The following SLC25A44 variants were observed in gnomAD, a reference collection of about 807,000 sequenced individuals.
The protein encoded by SLC25A44 is solute carrier family 25, member 44.
Under a neutral mutation model 29.9 loss-of-function variants are expected in SLC25A44, and 17 were observed. The ratio of observed to expected loss-of-function variants is 0.57; its 90% confidence interval spans 0.39 to 0.85. SLC25A44 has a LOEUF of 0.85. Ranked by LOEUF, SLC25A44 falls within the 40% of genes least tolerant of loss-of-function variation. The pLI is 0.00. For synonymous variants in SLC25A44, 140 were observed against 151.8 expected, an observed-to-expected ratio of 0.92 and a Z score of 0.57; for missense variants, 302 against 398.4, an observed-to-expected ratio of 0.76 and a Z score of 2.06.
At chr1:156,209,145 T>C (rs1657137848) in intron 3 of SLC25A44, among the ~76,000 whole-genome samples, 1 of 152,224 alleles carries the variant, frequency 6.6e-6, no homozygotes, top group South Asian at 2.1e-4. Flanking sequence ...TGAAAATGAA[T>C]ACACTGGCAT....
intron 3 of SLC25A44, among the ~76,000 whole-genome samples, chr1:156,209,136 G>A (rs952245233): frequency 6.6e-6 from 1 of 152,180 alleles, no homozygotes. Context: ...CCCCTCATTT[G>A]AAAATGAATA....
intron 2 of SLC25A44, among the ~76,000 whole-genome samples, chr1:156,203,767 G>A (rs1053283583): frequency 2.8e-5 from 4 of 143,550 alleles, no homozygotes; most frequent in Non-Finnish European, 4.5e-5. Flanking sequence ...GCAGTGGCGC[G>A]ATCTCGGCTC....
intron 3 of SLC25A44, among the ~76,000 whole-genome samples, chr1:156,208,216 C>T (rs984425768): frequency 2.0e-5 from 3 of 152,228 alleles, no homozygotes; most frequent in African/African-American, 7.2e-5. Flanking sequence ...CGCCTGTAAT[C>T]CCAGCATTTT....
At position 156,198,524 on chromosome 1, in the gene SLC25A44, C is replaced by T. The variant is rs184194308; in HGVS notation, c.-13-1311C>T. ...AGTGCAGTGGTGTGATCATGGCTCA[C>T]TGCAGCCCCAACCTTCAGGGCTCAG... On this transcript the variant is annotated intron_variant, in intron 1 of 3. Transcript: ENST00000359511. This position sits in a 1 kb window ranked among gnomAD's most constrained non-coding sequence, Gnocchi z 4.1. 1 of 152,132 alleles carries T rather than the reference C, an allele frequency of 6.6e-6. No individual in the cohort carries two copies. Among genetic ancestry groups the T allele is most frequent in the Non-Finnish European group, 1.5e-5 (1 of 68,022 alleles). 9.4% of individuals were successfully genotyped at this position (152,132 alleles called of 1,614,324 possible). A position where few individuals can be genotyped will look rare whatever the true frequency, so the allele number is the denominator to read the frequency against.
chr1:156,210,115 C>A, intron 3 of SLC25A44, 125 bp from the exon 4 acceptor site: 1 of 651,204 alleles, frequency 1.5e-6, no homozygotes, highest in Non-Finnish European at 2.7e-6. Flanking sequence ...CCATCCCTCA[C>A]AAGCAGAATC....
intron 1 of SLC25A44, among the ~76,000 whole-genome samples, chr1:156,195,366 G>A (rs972129934): frequency 3.9e-5 from 6 of 152,072 alleles, no homozygotes; most frequent in Admixed American, 1.3e-4. Flanking sequence ...GCCTCCCAAA[G>A]TGTTGGGATT....
intron 2 of SLC25A44, among the ~76,000 whole-genome samples, chr1:156,202,000 C>T (rs944270134): frequency 6.6e-6 from 1 of 152,224 alleles, no homozygotes; most frequent in Non-Finnish European, 1.5e-5. Flanking sequence ...CAACTTATGT[C>T]TAAAACTTTC....
At chr1:156,200,612 A>C (rs2103037457) in intron 2 of SLC25A44, 140 bp downstream of exon 2, 1 of 827,188 alleles carries the variant, frequency 1.2e-6, no homozygotes, top group African/African-American at 1.7e-5. Flanking sequence ...TGAATCCAGG[A>C]GGATTTAAAG....
intron 1 of SLC25A44, chr1:156,197,180 G>A (rs1244691822): frequency 4.6e-5 from 7 of 152,196 alleles, no homozygotes; most frequent in Admixed American, 4.6e-4. Context: ...AGCCACTCTG[G>A]GGCAGAAGAG....
At chr1:156,208,872 A>G (rs1224255010) in intron 3 of SLC25A44, among the ~76,000 whole-genome samples, 2 of 152,370 alleles carry the variant, frequency 1.3e-5, no homozygotes, top group African/African-American at 2.4e-5. Flanking sequence ...CACAGCACCT[A>G]GACCAGGGAA....
intron 1 of SLC25A44, among the ~76,000 whole-genome samples, chr1:156,195,387 C>T (rs1656149444): frequency 6.6e-6 from 1 of 152,076 alleles, no homozygotes; most frequent in Non-Finnish European, 1.5e-5. Context: ...ATAGGCCCGG[C>T]CTCACCTCAG....
chr1:156,203,397 C>A (rs1656710475), intron 2 of SLC25A44, among the ~76,000 whole-genome samples: 1 of 152,220 alleles, frequency 6.6e-6, no homozygotes, highest in East Asian at 1.9e-4. Context: ...TTACCCCCAA[C>A]TCCCAGCTCC....
At chr1:156,199,011 T>C (rs1033348024) in intron 1 of SLC25A44, 42 of 152,292 alleles carry the variant, frequency 2.8e-4, no homozygotes, top group African/African-American at 8.7e-4. Context: ...ATCTAATAAC[T>C]GAAGAGGACT....
intron 1 of SLC25A44, 116 bp from the exon 2 acceptor site, chr1:156,199,719 C>A (rs1282781972): frequency 2.5e-6 from 2 of 807,470 alleles, no homozygotes. Flanking sequence ...AAGCTTTGGG[C>A]AGGTGAGTGT....
In SLC25A44 at chr1:156,210,365, G is replaced by C. The variant is rs572464625; in HGVS notation, c.879G>C (p.Val293=). The C allele has an allele frequency of 1.4e-5, 22 of 1,608,330 alleles. No homozygotes were observed. In the Admixed American group the frequency reaches 2.5e-4, roughly 19 times the overall value. ...ISATPSTIVI[V]VGYESLKKLS... ...CCACACCTTCCACCATTGTCATTGT[G>C]GTGGGCTATGAGAGCCTCAAGAAAC... The change falls in exon 4 of 4, where the codon GTG becomes GTC. Residue 293 remains valine (V), a synonymous_variant. Coordinates refer to ENST00000359511, the MANE Select transcript of SLC25A44 (RefSeq NM_014655.4).
At position 156,211,889 on chromosome 1, in the gene SLC25A44, G is replaced by C. The variant is rs887610792; in HGVS notation, c.*1458G>C. ...CCCCCTGGGAAAGGCCATGGTGCCA[G>C]TTTGAAAGGTGCTAGCTACCTGAAG... On this transcript the variant is annotated 3_prime_UTR_variant, in exon 4 of 4. Coordinates refer to ENST00000359511, the MANE Select transcript of SLC25A44 (RefSeq NM_014655.4). 6.5e-6 allele frequency: 1 copy of C among 152,822 alleles called. No individual in the cohort carries two copies. The highest frequency in any genetic ancestry group is 2.4e-5 in the African/African-American group (1 of 41,452). 9.5% of individuals were successfully genotyped at this position (152,822 alleles called of 1,614,324 possible).
At position 156,210,240 on chromosome 1, in the gene SLC25A44, G is replaced by A; in HGVS notation, c.754G>A (p.Val252Ile). 1 of 1,540,840 alleles carries A rather than the reference G, an allele frequency of 6.5e-7. No individual in the cohort carries two copies. The highest frequency in any genetic ancestry group is 8.8e-7 in the Non-Finnish European group (1 of 1,141,728). The change falls in exon 4 of 4, where the codon GTT becomes ATT. Residue 252 changes from valine (V) to isoleucine (I), a missense_variant and splice_region_variant. Physicochemically the swap from Val to Ile is conservative, Grantham distance 29. Transcript: ENST00000359511. ...CCCTCCACTGTGTTGACTTTTCCAG[G>A]TTGAGGGCAAGAACTCCATCATCCT... ...PMDVIRTRVQ[V>I]EGKNSIILTF...
intron 2 of SLC25A44, among the ~76,000 whole-genome samples, chr1:156,204,144 A>G (rs1299411217): frequency 6.6e-6 from 1 of 150,926 alleles, no homozygotes. Flanking sequence ...AGTAGCTGGG[A>G]TTACAGGCAT....
chr1:156,195,349 C>T (rs1035286053), intron 1 of SLC25A44, among the ~76,000 whole-genome samples: 1 of 152,032 alleles, frequency 6.6e-6, no homozygotes, highest in African/African-American at 2.4e-5. Flanking sequence ...GTGGTCCGCC[C>T]GCCTCGGCCT....
Sources: allele counts gnomAD v4.1 joint callset (sites outside exome capture counted in the v4.1 genomes callset), GRCh38; gene constraint gnomAD v4.1.1; non-coding constraint Gnocchi (gnomAD v3.1); transcripts MANE v1.5; gene names NCBI Gene and HGNC (gene_info 2026-07-23, HGNC 2026-07-21).